The following PEAK1 variants were observed in gnomAD, a reference collection of about 807,000 sequenced individuals.
PEAK1 encodes pseudopodium enriched atypical kinase 1, also known as inactive tyrosine-protein kinase PEAK1.
Under a neutral mutation model 124.7 loss-of-function variants are expected in PEAK1, and 54 were observed. The observed-to-expected ratio is 0.43, with a 90% CI of 0.35 to 0.54. The LOEUF (loss-of-function observed/expected upper bound fraction) is 0.54, where lower values mean the gene tolerates loss of function less well. Ranked by LOEUF, PEAK1 falls within the 20% of genes least tolerant of loss-of-function variation. PEAK1 has a pLI of 0.01. For synonymous variants in PEAK1, 719 were observed against 760.0 expected (o/e 0.95, Z 0.89); for missense variants, 2,046 against 2,134.5 (o/e 0.96, Z 0.82).
intron 9 of PEAK1, among the ~76,000 whole-genome samples, chr15:77,127,192 A>C (rs2052449907): frequency 6.6e-6 from 1 of 152,200 alleles, no homozygotes; most frequent in African/African-American, 2.4e-5. Flanking sequence ...AGTGAGAAGA[A>C]GGCTATCTGT....
chr15:77,311,675 C>G (rs377311104), intron 2 of PEAK1, among the ~76,000 whole-genome samples: 7 of 123,794 alleles, frequency 5.7e-5, no homozygotes, highest in East Asian at 2.3e-4. Context: ...TCCAACCCCC[C>G]CAACCCCCAC....
At chr15:77,360,178 A>C (rs1479331649) in intron 2 of PEAK1, among the ~76,000 whole-genome samples, 1 of 152,218 alleles carries the variant, frequency 6.6e-6, no homozygotes, top group Non-Finnish European at 1.5e-5. Context: ...AGACAACTGG[A>C]TATCTACATA....
intron 1 of PEAK1, among the ~76,000 whole-genome samples, chr15:77,366,937 C>A (rs905517103): frequency 2.6e-5 from 4 of 152,056 alleles, no homozygotes; most frequent in Non-Finnish European, 5.9e-5. Flanking sequence ...AGATGGAGAC[C>A]ATCCTGGCCA....
chr15:77,145,185 A>G (rs577733545), intron 8 of PEAK1, among the ~76,000 whole-genome samples: 2 of 152,326 alleles, frequency 1.3e-5, no homozygotes, highest in East Asian at 3.9e-4. Context: ...GCGGTGGCTC[A>G]TGCCTGTAAT....
At chr15:77,148,320 T>C (rs1021726897) in intron 8 of PEAK1, among the ~76,000 whole-genome samples, 1 of 152,134 alleles carries the variant, frequency 6.6e-6, no homozygotes, top group African/African-American at 2.4e-5. Flanking sequence ...TTTTTAAAAC[T>C]ATATAAGAAA....
chr15:77,383,019 CTTTTTTT>C (rs752564656), intron 1 of PEAK1, among the ~76,000 whole-genome samples: 5 of 130,414 alleles, frequency 3.8e-5, no homozygotes, highest in Admixed American at 3.1e-4. Context: ...TTTGTATCTC[CTTTTTTT>C]TTTTTTTTTT....
rs1358522551 is a variant in PEAK1 at position 77,112,971 on chromosome 15, A to G, written c.*1185T>C. The G allele has an allele frequency of 6.6e-6, 1 of 152,244 alleles. No individual in the cohort carries two copies. Among genetic ancestry groups the G allele is most frequent in the African/African-American group, 2.4e-5 (1 of 41,448 alleles). 9.4% of individuals were successfully genotyped at this position (152,244 alleles called of 1,614,324 possible). A position where few individuals can be genotyped will look rare whatever the true frequency, so the allele number is the denominator to read the frequency against. ...CCATTTTACAGAGTCAGAAGGAGCAATGAGCCACTTAAACACTGGGAGGCA... is the reference window on the plus strand; with the variant it reads ...CCATTTTACAGAGTCAGAAGGAGCAGTGAGCCACTTAAACACTGGGAGGCA... On this transcript the variant is annotated 3_prime_UTR_variant, in exon 10 of 10. Transcript: ENST00000682557.
chr15:77,347,415 A>G, intron 2 of PEAK1: 1 of 985,440 alleles, frequency 1.0e-6, no homozygotes, highest in Non-Finnish European at 1.2e-6. Context: ...TGGCTGAATC[A>G]GTGCTGTCAG....
At chr15:77,121,136 A>G (rs1191875928) in intron 9 of PEAK1, among the ~76,000 whole-genome samples, 1 of 151,990 alleles carries the variant, frequency 6.6e-6, no homozygotes, top group Non-Finnish European at 1.5e-5. Flanking sequence ...CTACCTGGGT[A>G]TATCTCATGA....
chr15:77,336,256 C>CT, intron 2 of PEAK1: 2 of 985,352 alleles, frequency 2.0e-6, no homozygotes, highest in Non-Finnish European at 2.4e-6. Flanking sequence ...CACAAAGAAT[C>CT]TAATCATTTA....
intron 2 of PEAK1, among the ~76,000 whole-genome samples, chr15:77,358,996 C>T (rs551285078): frequency 4.6e-5 from 7 of 152,238 alleles, no homozygotes; most frequent in Admixed American, 4.6e-4. Context: ...TCTCAATAAG[C>T]GTTATCTCAT....
chr15:77,205,268 C>CTT (rs375154908), intron 6 of PEAK1, among the ~76,000 whole-genome samples: 1 of 126,472 alleles, frequency 7.9e-6, no homozygotes, highest in African/African-American at 2.8e-5. Context: ...GATCAAATGC[C>CTT]TTTTTTTAAA....
Position 77,230,311 on chromosome 15 carries a change from T to C in PEAK1, c.-115+22056A>G, listed in dbSNP as rs939101860. Among the ~76,000 whole-genome samples the C allele has an allele frequency of 2.0e-5, 3 of 152,054 alleles. No individual in the cohort carries two copies. The East Asian group carries it at 5.8e-4, about 30-fold the overall frequency. On this transcript the variant is annotated intron_variant, in intron 6 of 9. Coordinates refer to ENST00000682557, the MANE Select transcript of PEAK1 (RefSeq NM_001385026.1). The stretch of plus-strand genomic sequence containing the variant: ...ACCACAGCTGTTCAAGTGATTCTCC[T>C]GCCTCAGCCTCCCAAGTAGCTGGGA...
rs1402361396 is a variant in PEAK1, at chr15:77,109,370, G to A, written c.*4786C>T. Reference sequence around the variant, plus strand: ...ACAAAATGGACTTCTTTTTAAAAAGGTGCTTTTCTGAGGATGGATTTATCA... The same window carrying A: ...ACAAAATGGACTTCTTTTTAAAAAGATGCTTTTCTGAGGATGGATTTATCA... On this transcript the variant is annotated 3_prime_UTR_variant, in exon 10 of 10. Transcript: ENST00000682557. 6.6e-6 allele frequency: 1 copy of A among 152,098 alleles called. No homozygotes were observed. The highest frequency in any genetic ancestry group is 1.5e-5 in the Non-Finnish European group (1 of 68,006). 9.4% of individuals were successfully genotyped at this position (152,098 alleles called of 1,614,324 possible). A position where few individuals can be genotyped will look rare whatever the true frequency, so the allele number is the denominator to read the frequency against.
At chr15:77,360,692 C>T (rs527555789) in intron 2 of PEAK1, among the ~76,000 whole-genome samples, 9 of 152,146 alleles carry the variant, frequency 5.9e-5, no homozygotes, top group Admixed American at 5.9e-4. Context: ...TTTTGGTATA[C>T]ACAAGGGTCC....
chr15:77,318,003 T>C (rs916489812), intron 2 of PEAK1, among the ~76,000 whole-genome samples: 2 of 152,150 alleles, frequency 1.3e-5, no homozygotes, highest in African/African-American at 2.4e-5. Flanking sequence ...GGAAAGCAGA[T>C]TAATGGTTGC....
At chr15:77,202,689 G>A (rs1344131498) in intron 6 of PEAK1, among the ~76,000 whole-genome samples, 4 of 151,234 alleles carry the variant, frequency 2.6e-5, no homozygotes, top group Non-Finnish European at 5.9e-5. Flanking sequence ...AGAATGATGC[G>A]AACCCGGAGG....
rs560818839 is a variant in PEAK1 at position 77,194,977 on chromosome 15, C to T, written c.-114-12937G>A. Among the ~76,000 whole-genome samples the T allele has an allele frequency of 4.2e-4, 64 of 152,132 alleles. 2 individuals are homozygous for T. The highest frequency in any genetic ancestry group is 1.5e-3 in the South Asian group (7 of 4,806). ...TAGCAAGAAAATAGTAAATTATGTT[C>T]GGGGTTCTGTGTTTAAGAAGGGAAG... On this transcript the variant is annotated intron_variant, in intron 6 of 9. Transcript: ENST00000682557.
intron 6 of PEAK1, among the ~76,000 whole-genome samples, chr15:77,204,177 T>C (rs1238105090): frequency 6.6e-6 from 1 of 152,066 alleles, no homozygotes; most frequent in East Asian, 1.9e-4. Flanking sequence ...TATTAGGGAA[T>C]TGCAAATTAA....
Sources: gnomAD v4.1 joint callset for allele counts (sites outside exome capture counted in the v4.1 genomes callset) on GRCh38, gnomAD v4.1.1 for gene constraint, MANE v1.5 for transcripts, NCBI Gene and HGNC (gene_info 2026-07-23, HGNC 2026-07-21) for gene names.